Variants in HSPA13 observed in about 807,000 individuals in gnomAD.
The protein encoded by HSPA13 is heat shock protein family A (Hsp70) member 13, also known as heat shock 70 kDa protein 13.
Under a neutral mutation model 38.8 loss-of-function variants are expected in HSPA13, and 29 were observed. That is an observed-to-expected ratio of 0.75 (90% CI 0.56 to 1.02). The LOEUF is 1.02. HSPA13 is among the 50% of genes least tolerant of loss of function. The pLI, the probability that HSPA13 is intolerant of heterozygous loss-of-function variation, is 0.00. For synonymous variants in HSPA13, 192 were observed against 205.3 expected (o/e 0.94, Z 0.56); for missense variants, 451 against 560.9 (o/e 0.80, Z 1.98).
chr21:14,373,396 T>G lies in HSPA13; in HGVS notation c.*221A>C. Reference sequence around the variant, plus strand: ...GAGTTGTACCTCAATTTTATCATTTTAGAGTATTTGTTAGAATAGGATCTC... The same window carrying G: ...GAGTTGTACCTCAATTTTATCATTTGAGAGTATTTGTTAGAATAGGATCTC... On this transcript the variant is annotated 3_prime_UTR_variant, in exon 5 of 5. Transcript: ENST00000285667. 2.0e-6 allele frequency: 1 copy of G among 503,210 alleles called. No homozygotes were observed. Among genetic ancestry groups the G allele is most frequent in the Non-Finnish European group, 3.5e-6 (1 of 284,478 alleles). The allele number at this position is 503,210 out of a possible 1,614,324, so 31.2% of individuals were successfully genotyped here.
In HSPA13 at chr21:14,381,230, C is replaced by T. The variant is rs766363034; in HGVS notation, c.339G>A (p.Glu113=). The change falls in exon 2 of 5, where the codon GAG becomes GAA. Residue 113 remains glutamate, a synonymous_variant. Transcript: ENST00000285667. ...TAAATGGGTATCTGCCAATTTCAGC[C>T]TCCAACTCTTCTGCGGTAAAAATCT... The part of the protein sequence containing the change: ...IGKIFTAEEL[E]AEIGRYPFKV... The T allele has an allele frequency of 2.5e-6, 4 of 1,606,354 alleles. No individual in the cohort carries two copies. In the South Asian group the frequency reaches 4.4e-5, roughly 18 times the overall value.
At chr21:14,380,787 A>G (rs1984148082) in intron 2 of HSPA13, among the ~76,000 whole-genome samples, 1 of 152,224 alleles carries the variant, frequency 6.6e-6, no homozygotes, top group African/African-American at 2.4e-5. Flanking sequence ...CCACAAAATC[A>G]TTAAAGATAA....
chr21:14,381,163 G>A (rs2822645), intron 2 of HSPA13, 40 bp downstream of exon 2: 73,840 of 1,417,776 alleles, frequency 0.052, 4,261 homozygotes, highest in African/African-American at 0.29. Context: ...AACTAAAAGA[G>A]TACACTAAAA....
rs1323830260 is a variant in HSPA13 at position 14,372,192 on chromosome 21, C to T, written c.*1425G>A. ...GGTGACCAGCATTTCAACATCCTAT[C>T]GAATTCAGCAATGGATAAAGCAGAG... On this transcript the variant is annotated 3_prime_UTR_variant, in exon 5 of 5. Transcript: ENST00000285667. 1 of 151,294 alleles carries T rather than the reference C, an allele frequency of 6.6e-6. No homozygotes were observed. Among genetic ancestry groups the T allele is most frequent in the Non-Finnish European group, 1.5e-5 (1 of 67,768 alleles). The allele number at this position is 151,294 out of a possible 1,614,324, so 9.4% of individuals were successfully genotyped here. A position where few individuals can be genotyped will look rare whatever the true frequency, so the allele number is the denominator to read the frequency against.
intron 2 of HSPA13, among the ~76,000 whole-genome samples, chr21:14,379,142 T>G (rs1436872209): frequency 6.6e-6 from 1 of 152,178 alleles, no homozygotes; most frequent in Admixed American, 6.5e-5. Flanking sequence ...CTAGTACATA[T>G]TAACAAGAAT....
At chr21:14,376,549 CTTATG>C (rs1394925031) in intron 3 of HSPA13, among the ~76,000 whole-genome samples, 1 of 152,194 alleles carries the variant, frequency 6.6e-6, no homozygotes, top group Non-Finnish European at 1.5e-5. Flanking sequence ...AAATGCCATA[CTTATG>C]AGCGGTATGC....
At chr21:14,377,211 G>T (rs1329673923) in intron 3 of HSPA13, among the ~76,000 whole-genome samples, 1 of 152,132 alleles carries the variant, frequency 6.6e-6, no homozygotes, top group Non-Finnish European at 1.5e-5. Flanking sequence ...CTCATTCTGT[G>T]TTTCCCTCTG....
At chr21:14,380,769 T>C (rs530886063) in intron 2 of HSPA13, among the ~76,000 whole-genome samples, 3 of 152,334 alleles carry the variant, frequency 2.0e-5, no homozygotes, top group African/African-American at 4.8e-5. Flanking sequence ...AATAATGGAA[T>C]AGTCATTCCA....
intron 2 of HSPA13, among the ~76,000 whole-genome samples, chr21:14,379,802 T>C (rs1441604617): frequency 6.6e-6 from 1 of 152,198 alleles, no homozygotes. Flanking sequence ...CTGATACAAC[T>C]GTCTATTTTG....
chr21:14,375,252 G>A (rs1983989748), intron 4 of HSPA13, among the ~76,000 whole-genome samples: 1 of 152,004 alleles, frequency 6.6e-6, no homozygotes, highest in African/African-American at 2.4e-5. Context: ...AGTCCTACTG[G>A]CTATGTGAGC....
Position 14,375,797 on chromosome 21 carries a change from T to G in HSPA13, c.603A>C (p.Ile201=). The change falls in exon 4 of 5, where the codon ATA becomes ATC. Residue 201 remains isoleucine, a synonymous_variant. Transcript: ENST00000285667. The stretch of plus-strand genomic sequence containing the variant: ...CCATAGCTGCTGCTGTGGGTTCATT[T>G]ATTACCCTCAAAATCTTCAGTCCTG... ...NLAGLKILRV[I]NEPTAAAMAY... is the part of the protein sequence containing the mutation. The G allele has an allele frequency of 6.2e-7, 1 of 1,613,880 alleles. No homozygotes were observed.
rs776581851 is a variant in HSPA13, at chr21:14,383,081, C to T, written c.25+14G>A. The T allele has an allele frequency of 6.2e-7, 1 of 1,614,108 alleles. No individual in the cohort carries two copies. The highest frequency in any genetic ancestry group is 2.2e-5 in the East Asian group (1 of 44,872). ...CTACGCCCGCAAGAGCAACAAGGAC[C>T]CCCGGGAACCCACCTAAGATCGTCA... is the stretch of plus-strand genomic sequence containing the variant. On this transcript the variant is annotated intron_variant, in intron 1 of 4. Coordinates refer to ENST00000285667, the MANE Select transcript of HSPA13 (RefSeq NM_006948.5).
In HSPA13 at chr21:14,371,593, C is replaced by A. The variant is rs533099337; in HGVS notation, c.*2024G>T. On this transcript the variant is annotated 3_prime_UTR_variant, in exon 5 of 5. Transcript: ENST00000285667. The stretch of plus-strand genomic sequence containing the variant: ...TACTAGAGAATATGCTCAACTACTG[C>A]CTCCAAATTCCAACACTGTCATTCT... The A allele has an allele frequency of 6.6e-6, 1 of 152,162 alleles. No individual in the cohort carries two copies. The highest frequency in any genetic ancestry group is 2.4e-5 in the African/African-American group (1 of 41,558). The allele number at this position is 152,162 out of a possible 1,614,324, so 9.4% of individuals were successfully genotyped here.
intron 3 of HSPA13, 69 bp from the exon 4 acceptor site, chr21:14,375,888 G>C: frequency 7.9e-7 from 1 of 1,258,358 alleles, no homozygotes; most frequent in South Asian, 1.3e-5. Context: ...CCCACTTACA[G>C]CATGTTTGTG....
rs1169948607 is a variant in HSPA13 at position 14,371,671 on chromosome 21, G to A, written c.*1946C>T. 2 of 152,088 alleles carry A rather than the reference G, an allele frequency of 1.3e-5. No homozygotes were observed. The highest frequency in any genetic ancestry group is 2.9e-5 in the Non-Finnish European group (2 of 67,938). The allele number at this position is 152,088 out of a possible 1,614,324, so 9.4% of individuals were successfully genotyped here. ...CCAACTTCAGGACATGAGATGAGCT[G>A]CCTGCCCTATTTTGTCAATTGTTTC... is the stretch of plus-strand genomic sequence containing the variant. On this transcript the variant is annotated 3_prime_UTR_variant, in exon 5 of 5. Coordinates refer to ENST00000285667, the MANE Select transcript of HSPA13 (RefSeq NM_006948.5).
chr21:14,381,903 TG>T (rs1984180115), intron 1 of HSPA13, among the ~76,000 whole-genome samples: 1 of 152,214 alleles, frequency 6.6e-6, no homozygotes, highest in Non-Finnish European at 1.5e-5. Flanking sequence ...CTAATATTCT[TG>T]ATCAATTGAT....
Position 14,373,518 on chromosome 21 carries a change from C to G in HSPA13, c.*99G>C, listed in dbSNP as rs1372726616. 9.4e-7 allele frequency: 1 copy of G among 1,062,232 alleles called. No homozygotes were observed. Among genetic ancestry groups the G allele is most frequent in the African/African-American group, 1.6e-5 (1 of 62,716 alleles). The allele number at this position is 1,062,232 out of a possible 1,614,324, so 65.8% of individuals were successfully genotyped here. A position where few individuals can be genotyped will look rare whatever the true frequency, so the allele number is the denominator to read the frequency against. On this transcript the variant is annotated 3_prime_UTR_variant, in exon 5 of 5. Transcript: ENST00000285667. ...TCTAAATGTTGCCCTCTAGGTAAAT[C>G]TGTGATATTTTAGAGACTTTCTTTT...
intron 3 of HSPA13, among the ~76,000 whole-genome samples, chr21:14,377,051 G>A (rs770597581): frequency 3.3e-5 from 5 of 152,238 alleles, no homozygotes; most frequent in Non-Finnish European, 5.9e-5. Context: ...ACTTGGTGGA[G>A]GAGGGCGCTG....
At chr21:14,378,475 T>C (rs1007790067) in intron 2 of HSPA13, 63 bp from the exon 3 acceptor site, 2 of 991,588 alleles carry the variant, frequency 2.0e-6, no homozygotes, top group Non-Finnish European at 3.1e-6. Flanking sequence ...GACATACATA[T>C]ATACATAAAT....
Sources: gnomAD v4.1 joint callset for allele counts (sites outside exome capture counted in the v4.1 genomes callset) on GRCh38, gnomAD v4.1.1 for gene constraint, MANE v1.5 for transcripts, NCBI Gene and HGNC (gene_info 2026-07-23, HGNC 2026-07-21) for gene names.